Variants in CLVS1 observed in about 807,000 individuals in gnomAD.
CLVS1 encodes the protein clavesin-1.
In CLVS1, 10 loss-of-function variants were observed where a neutral mutation model predicts 33.1. The ratio of observed to expected loss-of-function variants is 0.30; its 90% confidence interval spans 0.19 to 0.51. The LOEUF (loss-of-function observed/expected upper bound fraction) is 0.51, where lower values mean the gene tolerates loss of function less well. CLVS1 is among the 20% of genes least tolerant of loss of function. The pLI, the probability that CLVS1 is intolerant of heterozygous loss-of-function variation, is 0.97. For synonymous variants in CLVS1, 163 were observed against 166.1 expected, an observed-to-expected ratio of 0.98 and a Z score of 0.14; for missense variants, 343 against 433.4, an observed-to-expected ratio of 0.79 and a Z score of 1.85.
intron 4 of CLVS1, among the ~76,000 whole-genome samples, chr8:61,457,053 C>G (rs1472549149): frequency 6.6e-6 from 1 of 151,814 alleles, no homozygotes; most frequent in Non-Finnish European, 1.5e-5. Flanking sequence ...TTCTCCTTCT[C>G]CAGCCTCCTG....
chr8:61,394,042 C>A (rs1320859555), intron 3 of CLVS1, among the ~76,000 whole-genome samples: 3 of 152,170 alleles, frequency 2.0e-5, no homozygotes, highest in South Asian at 2.1e-4. Flanking sequence ...AAAATCTTAT[C>A]CCTCACTTAT....
intron 5 of CLVS1, among the ~76,000 whole-genome samples, chr8:61,488,867 C>T (rs1343890779): frequency 6.6e-6 from 1 of 152,188 alleles, no homozygotes; most frequent in African/African-American, 2.4e-5. Context: ...CCCATTCCTT[C>T]CTCCCCATCT....
At chr8:61,074,402 T>C (rs1470294791) in intron 1 of CLVS1, among the ~76,000 whole-genome samples, 3 of 145,050 alleles carry the variant, frequency 2.1e-5, no homozygotes, top group Non-Finnish European at 4.5e-5. Flanking sequence ...ATATATGTTA[T>C]ATATATATAA....
At chr8:61,405,518 A>G (rs1340995517) in intron 3 of CLVS1, among the ~76,000 whole-genome samples, 1 of 152,174 alleles carries the variant, frequency 6.6e-6, no homozygotes, top group Non-Finnish European at 1.5e-5. Flanking sequence ...TCACACCTGT[A>G]ATCTCAGCAC....
At chr8:61,336,602 A>G (rs1811815537) in intron 2 of CLVS1, among the ~76,000 whole-genome samples, 1 of 152,204 alleles carries the variant, frequency 6.6e-6, no homozygotes, top group Admixed American at 6.5e-5. Flanking sequence ...AAACATGTGC[A>G]TAAAAGGAGG....
chr8:61,138,050 A>G (rs4738869), intron 2 of CLVS1, among the ~76,000 whole-genome samples: 43,033 of 152,098 alleles, frequency 0.28, 6,695 homozygotes, highest in East Asian at 0.57. Flanking sequence ...AAGTCAAGAA[A>G]CTCAGACCTG....
In CLVS1 at chr8:61,458,372, T is replaced by A; in HGVS notation, c.807T>A (p.Ser269=). The change falls in exon 5 of 6, where the codon TCT becomes TCA. Residue 269 remains serine (S), a synonymous_variant. Coordinates refer to ENST00000325897, the MANE Select transcript of CLVS1 (RefSeq NM_173519.3). ...HQLIHPEFLP[S]EFGGTLPPYD... is the part of the protein sequence containing the mutation. ...TAATACACCCTGAATTTTTGCCCTC[T>A]GAATTTGGAGGAACTCTTCCTCCTT... The A allele has an allele frequency of 6.2e-7, 1 of 1,614,200 alleles. No individual in the cohort carries two copies. Among genetic ancestry groups the A allele is most frequent in the Non-Finnish European group, 8.5e-7 (1 of 1,180,002 alleles).
chr8:61,158,311 C>T (rs758675908), intron 2 of CLVS1, among the ~76,000 whole-genome samples: 1 of 152,062 alleles, frequency 6.6e-6, no homozygotes, highest in Admixed American at 6.5e-5. Flanking sequence ...GTGGCTATTT[C>T]TGGAGGAACA....
the CLVS1 span, among the ~76,000 whole-genome samples, chr8:61,018,189 G>A: frequency 6.6e-6 from 1 of 152,204 alleles, no homozygotes; most frequent in Non-Finnish European, 1.5e-5. Context: ...CAGGAGGGGT[G>A]AGTAATTTGC....
chr8:61,360,951 A>T (rs1048204098), intron 2 of CLVS1, among the ~76,000 whole-genome samples: 1 of 152,236 alleles, frequency 6.6e-6, no homozygotes, highest in Non-Finnish European at 1.5e-5. Flanking sequence ...CTGTACAGGA[A>T]ATAGTGGCTG....
At chr8:61,434,010 G>A (rs1211074001) in intron 3 of CLVS1, among the ~76,000 whole-genome samples, 1 of 152,188 alleles carries the variant, frequency 6.6e-6, no homozygotes, top group Non-Finnish European at 1.5e-5. Context: ...GCACAAAGCA[G>A]TCAGAATTGG....
chr8:61,053,756 T>G (rs577207171), upstream of CLVS1, among the ~76,000 whole-genome samples: 1 of 152,148 alleles, frequency 6.6e-6, no homozygotes, highest in Admixed American at 6.5e-5. Flanking sequence ...CCAATTAGGG[T>G]TCTCTTTGAA....
the CLVS1 span, among the ~76,000 whole-genome samples, chr8:61,041,885 G>GT: frequency 1.3e-4 from 20 of 152,186 alleles, no homozygotes; most frequent in South Asian, 3.9e-3. Flanking sequence ...AGGACTTCCT[G>GT]TTTTTTGTTT....
At chr8:60,990,554 T>C in the CLVS1 span, among the ~76,000 whole-genome samples, 1 of 152,160 alleles carries the variant, frequency 6.6e-6, no homozygotes, top group African/African-American at 2.4e-5. Context: ...CCCAGGAGTC[T>C]ATTATGTCTA....
At chr8:61,286,837 A>C (rs1809792263), upstream of CLVS1, among the ~76,000 whole-genome samples, 1 of 152,246 alleles carries the variant, frequency 6.6e-6, no homozygotes, top group African/African-American at 2.4e-5. Flanking sequence ...AAATTTACCC[A>C]TAGTGATCTA....
chr8:61,188,507 A>G (rs1289989415), intron 2 of CLVS1, among the ~76,000 whole-genome samples: 4 of 152,070 alleles, frequency 2.6e-5, no homozygotes, highest in Non-Finnish European at 2.9e-5. Flanking sequence ...GCTTAAATAA[A>G]TTAGAGAAAA....
At chr8:61,282,341 C>T (rs2978522) in intron 2 of CLVS1, among the ~76,000 whole-genome samples, 40,698 of 152,064 alleles carry the variant, frequency 0.27, 6,658 homozygotes, top group Non-Finnish European at 0.35. Context: ...GAAGAAGAAG[C>T]AGCTGGTAGA....
At chr8:61,253,255 C>G (rs535846244) in intron 2 of CLVS1, among the ~76,000 whole-genome samples, 45 of 152,318 alleles carry the variant, frequency 3.0e-4, no homozygotes, top group African/African-American at 9.9e-4. Flanking sequence ...GGCCCCCACT[C>G]TCTTCTGGCT....
Position 61,299,695 on chromosome 8 carries a change from T to C in CLVS1, c.-133T>C. Reference sequence around the variant, plus strand: ...TTTTCAGTAAGCAATGGCCTCAGTTTTGCTTCTGTTTTGGATGAACACCAC... The same window carrying C: ...TTTTCAGTAAGCAATGGCCTCAGTTCTGCTTCTGTTTTGGATGAACACCAC... On this transcript the variant is annotated 5_prime_UTR_variant, in exon 2 of 6. Transcript: ENST00000325897. 1.6e-6 allele frequency: 1 copy of C among 625,420 alleles called. No individual in the cohort carries two copies. Among genetic ancestry groups the C allele is most frequent in the Non-Finnish European group, 2.8e-6 (1 of 359,820 alleles). The allele number at this position is 625,420 out of a possible 1,614,324, so 38.7% of individuals were successfully genotyped here.
Sources: allele counts gnomAD v4.1 joint callset (sites outside exome capture counted in the v4.1 genomes callset), GRCh38; gene constraint gnomAD v4.1.1; transcripts MANE v1.5; gene names NCBI Gene and HGNC (gene_info 2026-07-23, HGNC 2026-07-21).